Variants in ALG5 observed in about 807,000 individuals in gnomAD.
The protein encoded by ALG5 is dolichyl-phosphate beta-glucosyltransferase.
ALG5 carries 26 observed loss-of-function variants against 51.8 expected under a neutral mutation model. The ratio of observed to expected loss-of-function variants is 0.50; its 90% CI spans 0.37 to 0.70. The LOEUF is 0.70. ALG5 is among the 30% of genes least tolerant of loss of function. The pLI, the probability that ALG5 is intolerant of heterozygous loss-of-function variation, is 0.00. For missense variants in ALG5, 311 were observed against 399.3 expected (o/e 0.78, Z 1.88); for synonymous variants, 141 against 136.1 (o/e 1.04, Z -0.25).
chr13:36,991,423 G>A (rs1352119553), intron 4 of ALG5, among the ~76,000 whole-genome samples: 1 of 152,164 alleles, frequency 6.6e-6, no homozygotes, highest in Non-Finnish European at 1.5e-5. Flanking sequence ...TTTATTTCTG[G>A]TATCTGGCAC....
At chr13:36,978,665 A>G (rs1029563097) in intron 6 of ALG5, among the ~76,000 whole-genome samples, 2 of 151,550 alleles carry the variant, frequency 1.3e-5, no homozygotes, top group African/African-American at 4.8e-5. Flanking sequence ...TAATCCCAGC[A>G]TTTTGGGAGG....
chr13:36,982,214 T>C (rs2058982939), intron 6 of ALG5, among the ~76,000 whole-genome samples: 1 of 152,158 alleles, frequency 6.6e-6, no homozygotes, highest in African/African-American at 2.4e-5. Flanking sequence ...GTGGAGTAGA[T>C]AATTTTGTGT....
chr13:36,965,622 A>G lies in ALG5; in HGVS notation c.726T>C (p.Thr242=). 4 of 1,614,118 alleles carry G rather than the reference A, an allele frequency of 2.5e-6. No homozygotes were observed. Among genetic ancestry groups the G allele is most frequent in the Non-Finnish European group, 3.4e-6 (4 of 1,179,992 alleles). ...AAAACGTCCGTGAAGCTGCTTCTCGAGTAAATAATTTGAACCCACACTGTG... is the reference window on the plus strand; with the variant it reads ...AAAACGTCCGTGAAGCTGCTTCTCGGGTAAATAATTTGAACCCACACTGTG... ...RDTQCGFKLF[T]REAASRTFSS... The change falls in exon 8 of 10, where the codon ACT becomes ACC. Residue 242 remains threonine, a synonymous_variant. Coordinates refer to ENST00000239891, the MANE Select transcript of ALG5 (RefSeq NM_013338.5).
chr13:36,958,474 A>G (rs1315477662), intron 8 of ALG5, among the ~76,000 whole-genome samples: 1 of 152,088 alleles, frequency 6.6e-6, no homozygotes, highest in Non-Finnish European at 1.5e-5. Flanking sequence ...CATGACTAAG[A>G]TCTACCATGG....
intron 1 of ALG5, 150 bp downstream of exon 1, chr13:36,999,085 G>T: frequency 1.8e-6 from 1 of 562,586 alleles, no homozygotes. Context: ...TGAAACTCCA[G>T]GAAACTCCGA....
chr13:36,971,569 C>T (rs1248766735), intron 7 of ALG5, among the ~76,000 whole-genome samples: 1 of 137,472 alleles, frequency 7.3e-6, no homozygotes, highest in Admixed American at 8.7e-5. Context: ...ACTGCTTGAA[C>T]CCAGGAAGTG....
chr13:36,994,912 T>A, intron 3 of ALG5, 77 bp downstream of exon 3: 1 of 1,306,234 alleles, frequency 7.7e-7, no homozygotes, highest in Non-Finnish European at 1.1e-6. Flanking sequence ...TCACAGTGCA[T>A]CTGGCTTGGG....
chr13:36,976,491 T>C (rs2058952063), intron 6 of ALG5, among the ~76,000 whole-genome samples: 1 of 146,622 alleles, frequency 6.8e-6, no homozygotes, highest in Non-Finnish European at 1.5e-5. Context: ...TTCATGGCTA[T>C]AATCCCAGCA....
intron 1 of ALG5, among the ~76,000 whole-genome samples, chr13:36,996,403 G>A (rs1228438830): frequency 3.9e-5 from 6 of 152,022 alleles, no homozygotes; most frequent in Non-Finnish European, 7.4e-5. Flanking sequence ...TGATCTTTGA[G>A]GTCTGATCTT....
chr13:36,983,335 C>G (rs2058987832), intron 6 of ALG5, among the ~76,000 whole-genome samples: 1 of 152,188 alleles, frequency 6.6e-6, no homozygotes, highest in African/African-American at 2.4e-5. Flanking sequence ...TTTAGCCTAT[C>G]ATGATTTACT....
Position 36,990,095 on chromosome 13 carries a change from C to T in ALG5, c.355-519G>A, listed in dbSNP as rs561593686. The stretch of plus-strand genomic sequence containing the variant: ...GTAAATTCTCTTCTAAATCTTCAAT[C>T]TCTTCCTCTCTGCTGGCTCCACAGC... On this transcript the variant is annotated intron_variant, in intron 4 of 9. Transcript: ENST00000239891. Among the ~76,000 whole-genome samples the T allele has an allele frequency of 2.0e-5, 3 of 152,330 alleles. No homozygotes were observed. The East Asian group carries it at 5.8e-4, about 29-fold the overall frequency.
intron 7 of ALG5, 145 bp downstream of exon 7, chr13:36,971,832 C>A: frequency 5.0e-6 from 3 of 595,210 alleles, no homozygotes; most frequent in African/African-American, 1.9e-5. Flanking sequence ...ATAACCTTTC[C>A]ACAATTAAAA....
chr13:36,951,160 A>G (rs182838978), intron 9 of ALG5, among the ~76,000 whole-genome samples: 2 of 152,292 alleles, frequency 1.3e-5, no homozygotes, highest in African/African-American at 2.4e-5. Context: ...TATCTCTGTA[A>G]TGCAAATAAG....
At chr13:36,954,561 G>A (rs2058831877) in intron 8 of ALG5, among the ~76,000 whole-genome samples, 1 of 152,078 alleles carries the variant, frequency 6.6e-6, no homozygotes, top group Non-Finnish European at 1.5e-5. Flanking sequence ...AAAAAATGCA[G>A]CTCATATCAT....
intron 1 of ALG5, among the ~76,000 whole-genome samples, chr13:36,997,352 A>C (rs1396848868): frequency 6.6e-6 from 1 of 151,354 alleles, no homozygotes; most frequent in Non-Finnish European, 1.5e-5. Flanking sequence ...AGGCGCCTGT[A>C]ATCCCAGCTA....
chr13:36,973,111 C>A (rs989845845), intron 6 of ALG5, among the ~76,000 whole-genome samples: 1 of 145,268 alleles, frequency 6.9e-6, no homozygotes, highest in African/African-American at 2.5e-5. Context: ...AAAAAAAGGT[C>A]CTTGTTAGTA....
chr13:36,985,719 C>T lies in ALG5; in HGVS notation c.469G>A (p.Glu157Lys). ...TCAGCATCTGCCATAAGGATCTTTT[C>T]TCCTCGAGAACTGAATATACCCTGT... ...IRMGIFSSRG[E>K]KILMADADGA... Residue 157 changes from glutamate (E) to lysine (K), a missense_variant, in exon 6 of 10, where the codon GAA becomes AAA. Coordinates refer to ENST00000239891, the MANE Select transcript of ALG5 (RefSeq NM_013338.5). 6.2e-7 allele frequency: 1 copy of T among 1,613,294 alleles called. No individual in the cohort carries two copies. The highest frequency in any genetic ancestry group is 8.5e-7 in the Non-Finnish European group (1 of 1,179,722).
rs768579965 is a variant in ALG5 at position 36,995,021 on chromosome 13, C to G, written c.253G>C (p.Asp85His). The change falls in exon 3 of 10, where the codon GAT becomes CAT. Residue 85 changes from aspartate (D) to histidine (H), a missense_variant. Coordinates refer to ENST00000239891, the MANE Select transcript of ALG5 (RefSeq NM_013338.5). The stretch of plus-strand genomic sequence containing the variant: ...TTCTCTAGATAGCTCAGAGCTTCAT[C>G]CATCATCACAGGCACTTGAAGAAAA... ...NEEKRLPVMM[D>H]EALSYLEKRQ... 1 of 1,613,418 alleles carries G rather than the reference C, an allele frequency of 6.2e-7. No individual in the cohort carries two copies. Among genetic ancestry groups the G allele is most frequent in the Non-Finnish European group, 8.5e-7 (1 of 1,179,554 alleles).
intron 6 of ALG5, among the ~76,000 whole-genome samples, chr13:36,983,730 T>C (rs2058989723): frequency 1.3e-5 from 2 of 151,964 alleles, no homozygotes; most frequent in Non-Finnish European, 2.9e-5. Flanking sequence ...CTAATTCTCT[T>C]AAGAATTATA....
Sources: allele counts gnomAD v4.1 joint callset (sites outside exome capture counted in the v4.1 genomes callset), GRCh38; gene constraint gnomAD v4.1.1; transcripts MANE v1.5; gene names NCBI Gene and HGNC (gene_info 2026-07-23, HGNC 2026-07-21).